Variants in SLC16A14 observed in about 807,000 individuals in gnomAD.
The protein encoded by SLC16A14 is monocarboxylate transporter 14.
SLC16A14 carries 14 observed loss-of-function variants against 35.8 expected under a neutral mutation model. The observed-to-expected ratio is 0.39, with a 90% CI of 0.26 to 0.61. SLC16A14 has a LOEUF of 0.61. SLC16A14 is among the 20% of genes least tolerant of loss of function. The pLI is 0.51. For missense variants in SLC16A14, 533 were observed against 655.0 expected, an observed-to-expected ratio of 0.81 and a Z score of 2.03; for synonymous variants, 248 against 258.9, an observed-to-expected ratio of 0.96 and a Z score of 0.40.
At chr2:230,042,512 C>A (rs1393719117) in intron 4 of SLC16A14, among the ~76,000 whole-genome samples, 2 of 152,140 alleles carry the variant, frequency 1.3e-5, no homozygotes, top group African/African-American at 2.4e-5. Flanking sequence ...ACAACCCAAG[C>A]CTGCCCATTA....
chr2:230,067,793 C>A (rs1413637340), intron 1 of SLC16A14, among the ~76,000 whole-genome samples: 1 of 152,228 alleles, frequency 6.6e-6, no homozygotes, highest in African/African-American at 2.4e-5. Flanking sequence ...AATGGCCGTC[C>A]CCGGTCTCTC....
intron 4 of SLC16A14, among the ~76,000 whole-genome samples, chr2:230,039,690 A>C (rs61655412): frequency 6.6e-6 from 1 of 152,186 alleles, no homozygotes; most frequent in Non-Finnish European, 1.5e-5. Context: ...TCATCTCCAT[A>C]GGAAAGCTGA....
Position 230,044,704 on chromosome 2 carries a change from TTGTGTGTG to T in SLC16A14, c.1381+1033_1381+1040del, listed in dbSNP as rs751868776. The stretch of plus-strand genomic sequence containing the variant: ...GAACAGTAAGATAATAAGTCTGTAT[TTGTGTGTG>T]TGTGTGTGTGTGTGTGTGTGTGTGT... On this transcript the variant is annotated intron_variant, in intron 4 of 4. Coordinates refer to ENST00000295190, the MANE Select transcript of SLC16A14 (RefSeq NM_152527.5). Among the ~76,000 whole-genome samples, 24 of 132,538 alleles carry T rather than the reference TTGTGTGTG, an allele frequency of 1.8e-4. 1 individual carries two copies. Among genetic ancestry groups the T allele is most frequent in the South Asian group, 2.5e-4 (1 of 3,936 alleles). 87.0% of individuals were successfully genotyped at this position (132,538 alleles called of 152,430 possible). A position where few individuals can be genotyped will look rare whatever the true frequency, so the allele number is the denominator to read the frequency against.
At chr2:230,066,907 A>G (rs562190931) in intron 1 of SLC16A14, 5 of 240,750 alleles carry the variant, frequency 2.1e-5, no homozygotes, top group Non-Finnish European at 4.2e-5. Context: ...GATTACAGGC[A>G]TGAGCCACCG....
chr2:230,047,307 CTTTTT>C (rs56262602), intron 3 of SLC16A14, among the ~76,000 whole-genome samples: 15 of 110,306 alleles, frequency 1.4e-4, no homozygotes, highest in East Asian at 7.9e-4. Flanking sequence ...TATCTGACTT[CTTTTT>C]TTTTTTTTTT....
rs1355096194 is a variant in SLC16A14, at chr2:230,036,326, T to C, written c.*1054A>G. 6.6e-6 allele frequency: 1 copy of C among 152,216 alleles called. No individual in the cohort carries two copies. Among genetic ancestry groups the C allele is most frequent in the African/African-American group, 2.4e-5 (1 of 41,456 alleles). The allele number at this position is 152,216 out of a possible 1,614,324, so 9.4% of individuals were successfully genotyped here. A position where few individuals can be genotyped will look rare whatever the true frequency, so the allele number is the denominator to read the frequency against. ...CGCTCAGGCAAATGAATGGTCTATA[T>C]AACAACACGAGAGTCTAGAGATGGG... On this transcript the variant is annotated 3_prime_UTR_variant, in exon 5 of 5. Transcript: ENST00000295190.
At chr2:230,062,356 T>TC in intron 1 of SLC16A14, among the ~76,000 whole-genome samples, 1 of 150,112 alleles carries the variant, frequency 6.7e-6, no homozygotes, top group East Asian at 1.9e-4. Context: ...ACCTTTTTTT[T>TC]TTTTTTTTTT....
Position 230,050,894 on chromosome 2 carries a change from G to GGCTTC in SLC16A14, c.260-991_260-990insGAAGC, listed in dbSNP as rs1344608452. On this transcript the variant is annotated intron_variant, in intron 2 of 4. Transcript: ENST00000295190. ...AGGGAGTACAGGAAGGGAGTCTTCA[G>GGCTTC]AACTCCTGGGCTTCAGGCAGAAAAC... Among the ~76,000 whole-genome samples the GGCTTC allele has an allele frequency of 6.6e-5, 10 of 152,296 alleles. No individual in the cohort carries two copies. In the East Asian group the frequency reaches 1.2e-3, roughly 18 times the overall value.
At chr2:230,060,660 C>G (rs2077744911) in intron 1 of SLC16A14, among the ~76,000 whole-genome samples, 1 of 151,778 alleles carries the variant, frequency 6.6e-6, no homozygotes, top group Admixed American at 6.6e-5. Context: ...CTGTGCCTGG[C>G]CTGTTTCATT....
At chr2:230,054,581 T>C (rs1265944423) in intron 2 of SLC16A14, among the ~76,000 whole-genome samples, 1 of 152,172 alleles carries the variant, frequency 6.6e-6, no homozygotes, top group East Asian at 1.9e-4. Context: ...GTCCTCAAAA[T>C]CATCTTTGGA....
At chr2:230,057,112 T>C (rs182695092) in intron 2 of SLC16A14, among the ~76,000 whole-genome samples, 297 of 152,196 alleles carry the variant, frequency 2.0e-3, no homozygotes, top group South Asian at 0.018. Context: ...CAATTAGATA[T>C]AAATATATGG....
intron 1 of SLC16A14, among the ~76,000 whole-genome samples, chr2:230,062,797 T>A (rs1447329216): frequency 6.6e-6 from 1 of 152,192 alleles, no homozygotes; most frequent in East Asian, 1.9e-4. Context: ...GGGGATCATC[T>A]TCTTTCTTTC....
In SLC16A14 at chr2:230,036,423, C is replaced by G. The variant is rs778491950; in HGVS notation, c.*957G>C. 1 of 152,210 alleles carries G rather than the reference C, an allele frequency of 6.6e-6. No homozygotes were observed. The highest frequency in any genetic ancestry group is 1.5e-5 in the Non-Finnish European group (1 of 68,036). 9.4% of individuals were successfully genotyped at this position (152,210 alleles called of 1,614,324 possible). The stretch of plus-strand genomic sequence containing the variant: ...CACTAATGGCATTCCATTTATTATC[C>G]TCACAAATTGATAGTGTTATACTTT... On this transcript the variant is annotated 3_prime_UTR_variant, in exon 5 of 5. Coordinates refer to ENST00000295190, the MANE Select transcript of SLC16A14 (RefSeq NM_152527.5).
At chr2:230,056,503 G>A (rs987993918) in intron 2 of SLC16A14, among the ~76,000 whole-genome samples, 4 of 151,974 alleles carry the variant, frequency 2.6e-5, no homozygotes, top group East Asian at 1.9e-4. Flanking sequence ...TGATCCGCTC[G>A]CCTCAGCCTC....
intron 4 of SLC16A14, among the ~76,000 whole-genome samples, chr2:230,042,428 C>A (rs1189893404): frequency 6.6e-6 from 1 of 152,194 alleles, no homozygotes; most frequent in African/African-American, 2.4e-5. Context: ...TAACATTGCC[C>A]ATGAGAATTA....
chr2:230,041,048 G>A lies in SLC16A14; in HGVS notation c.1382-3517C>T, dbSNP rs144039191. Among the ~76,000 whole-genome samples the A allele has an allele frequency of 7.2e-4, 109 of 152,326 alleles. 1 individual carries two copies. The highest frequency in any genetic ancestry group is 2.5e-3 in the Admixed American group (39 of 15,302). ...TGGATTCTTGGCAACCCTCATCCAA[G>A]CACCAATTCAAACCTACAGCTTCAA... On this transcript the variant is annotated intron_variant, in intron 4 of 4. Coordinates refer to ENST00000295190, the MANE Select transcript of SLC16A14 (RefSeq NM_152527.5).
At chr2:230,050,782 A>C (rs1388004912) in intron 2 of SLC16A14, among the ~76,000 whole-genome samples, 1 of 152,192 alleles carries the variant, frequency 6.6e-6, no homozygotes, top group African/African-American at 2.4e-5. Context: ...TGCTTTATAC[A>C]AATTATGTCA....
chr2:230,051,005 G>A (rs779038883), intron 2 of SLC16A14, among the ~76,000 whole-genome samples: 3 of 152,136 alleles, frequency 2.0e-5, no homozygotes, highest in Non-Finnish European at 2.9e-5. Flanking sequence ...CTCCCATCCC[G>A]GCTGGTGTGC....
chr2:230,049,364 G>C (rs1560475599), intron 3 of SLC16A14, among the ~76,000 whole-genome samples: 1 of 151,974 alleles, frequency 6.6e-6, no homozygotes. Context: ...ACAGGCGTGA[G>C]CTACTGCCCC....
Sources: allele counts gnomAD v4.1 joint callset (sites outside exome capture counted in the v4.1 genomes callset), GRCh38; gene constraint gnomAD v4.1.1; transcripts MANE v1.5; gene names NCBI Gene and HGNC (gene_info 2026-07-23, HGNC 2026-07-21).